TM9SF3: variants seen among roughly 807,000 people sequenced by gnomAD.
The protein encoded by TM9SF3 is SM-11044-binding protein.
A neutral mutation model predicts 78.6 loss-of-function variants in TM9SF3; 14 were observed. The ratio of observed to expected loss-of-function variants is 0.18; its 90% CI spans 0.12 to 0.28. The LOEUF (loss-of-function observed/expected upper bound fraction) is 0.28. TM9SF3 is among the 10% of genes least tolerant of loss of function. The pLI is 1.00. For synonymous variants in TM9SF3, 231 were observed against 241.7 expected (o/e 0.96, Z 0.41); for missense variants, 496 against 721.9 (o/e 0.69, Z 3.59).
rs536347824 is a variant in TM9SF3 at position 96,548,233 on chromosome 10, T to C, written c.960-244A>G. Among the ~76,000 whole-genome samples the C allele has an allele frequency of 4.6e-5, 7 of 152,340 alleles. No individual in the cohort carries two copies. The South Asian group carries it at 1.4e-3, about 32-fold the overall frequency. ...TATCCTGCAGTTAAATGTTATGATA[T>C]ATTCTAAGCAAGTATTTCATATTTA... On this transcript the variant is annotated intron_variant, in intron 7 of 14. Coordinates refer to ENST00000371142, the MANE Select transcript of TM9SF3 (RefSeq NM_020123.4).
At position 96,520,024 on chromosome 10, in the gene TM9SF3, T is replaced by A. The variant is rs1847745242; in HGVS notation, c.*2239A>T. On this transcript the variant is annotated 3_prime_UTR_variant, in exon 15 of 15. Coordinates refer to ENST00000371142, the MANE Select transcript of TM9SF3 (RefSeq NM_020123.4). Reference sequence around the variant, plus strand: ...CCACACATTTTCAATAAACCCTACATCTTACCTGCAAGATTCATATCATGA... The same window carrying A: ...CCACACATTTTCAATAAACCCTACAACTTACCTGCAAGATTCATATCATGA... The A allele has an allele frequency of 6.6e-6, 1 of 151,936 alleles. No homozygotes were observed. The highest frequency in any genetic ancestry group is 1.5e-5 in the Non-Finnish European group (1 of 67,830). 9.4% of individuals were successfully genotyped at this position (151,936 alleles called of 1,614,324 possible). A position where few individuals can be genotyped will look rare whatever the true frequency, so the allele number is the denominator to read the frequency against.
chr10:96,569,299 C>T (rs181795643), intron 2 of TM9SF3, among the ~76,000 whole-genome samples: 3 of 152,328 alleles, frequency 2.0e-5, no homozygotes, highest in Admixed American at 1.3e-4. Context: ...TGAAAATGCA[C>T]ATTCACATAA....
At chr10:96,534,969 C>T (rs767836777) in intron 9 of TM9SF3, among the ~76,000 whole-genome samples, 3 of 152,156 alleles carry the variant, frequency 2.0e-5, no homozygotes, top group Non-Finnish European at 4.4e-5. Flanking sequence ...CTATCTCCTT[C>T]ACCTCATCCC....
chr10:96,529,452 G>A (rs1380882271), intron 11 of TM9SF3, among the ~76,000 whole-genome samples: 1 of 152,018 alleles, frequency 6.6e-6, no homozygotes, highest in Non-Finnish European at 1.5e-5. Context: ...TATAAAATTC[G>A]ATGTGATTGA....
At chr10:96,548,789 C>A (rs373166997) in intron 7 of TM9SF3, among the ~76,000 whole-genome samples, 6 of 121,468 alleles carry the variant, frequency 4.9e-5, no homozygotes, top group Admixed American at 2.9e-4. Context: ...CAAAGCAAGA[C>A]TCCATCTCAA....
At chr10:96,583,094 G>A (rs1204896180) in intron 1 of TM9SF3, among the ~76,000 whole-genome samples, 8 of 139,698 alleles carry the variant, frequency 5.7e-5, no homozygotes, top group African/African-American at 7.8e-5. Context: ...AAAAAAAAAA[G>A]AAAAAAAAGA....
intron 5 of TM9SF3, 104 bp from the exon 6 acceptor site, chr10:96,553,163 C>A (rs1336434882): frequency 1.6e-6 from 2 of 1,234,004 alleles, no homozygotes; most frequent in Non-Finnish European, 2.1e-6. Flanking sequence ...AAAAAAAAGT[C>A]TTTAATTAAA....
At chr10:96,575,921 AAC>A (rs1157884144) in intron 2 of TM9SF3, among the ~76,000 whole-genome samples, 1 of 152,222 alleles carries the variant, frequency 6.6e-6, no homozygotes. Context: ...GAAAAGTATA[AAC>A]ACACTCAAAG....
intron 1 of TM9SF3, among the ~76,000 whole-genome samples, chr10:96,580,627 C>T (rs1470907499): frequency 6.6e-6 from 1 of 152,116 alleles, no homozygotes; most frequent in Non-Finnish European, 1.5e-5. Flanking sequence ...TCCACTTAGC[C>T]AAACTCTAAT....
intron 2 of TM9SF3, among the ~76,000 whole-genome samples, chr10:96,574,591 A>G (rs1229107714): frequency 6.6e-6 from 1 of 152,222 alleles, no homozygotes; most frequent in Non-Finnish European, 1.5e-5. Context: ...CCCAAAAATT[A>G]TAAATCATTC....
At chr10:96,535,880 C>T (rs747645015) in intron 9 of TM9SF3, among the ~76,000 whole-genome samples, 2 of 152,228 alleles carry the variant, frequency 1.3e-5, no homozygotes, top group Non-Finnish European at 2.9e-5. Flanking sequence ...GACTGGCCTA[C>T]AGGCCAATAT....
rs1848472654 is a variant in TM9SF3 at position 96,574,338 on chromosome 10, G to A, written c.298+2296C>T. On this transcript the variant is annotated intron_variant, in intron 2 of 14. Transcript: ENST00000371142. ...ATACAAAAAAAAGCTCATCATCACC[G>A]GTCACTAGAGAAATGCGAATCAAAA... is the stretch of plus-strand genomic sequence containing the variant. Among the ~76,000 whole-genome samples the A allele has an allele frequency of 3.3e-5, 5 of 152,220 alleles. No homozygotes were observed. The South Asian group carries it at 1.0e-3, about 32-fold the overall frequency.
intron 2 of TM9SF3, among the ~76,000 whole-genome samples, chr10:96,571,420 A>C (rs904457190): frequency 6.6e-6 from 1 of 152,218 alleles, no homozygotes; most frequent in Non-Finnish European, 1.5e-5. Flanking sequence ...GGACAGCAGG[A>C]ATAGCAGAAG....
chr10:96,548,122 C>A, intron 7 of TM9SF3, 133 bp from the exon 8 acceptor site: 1 of 562,978 alleles, frequency 1.8e-6, no homozygotes, highest in South Asian at 2.9e-5. Flanking sequence ...ACCTGGACTA[C>A]AAATAAAACT....
intron 1 of TM9SF3, among the ~76,000 whole-genome samples, 178 bp from the exon 2 acceptor site, chr10:96,577,007 A>T (rs1284499078): frequency 6.6e-6 from 1 of 152,196 alleles, no homozygotes; most frequent in African/African-American, 2.4e-5. Flanking sequence ...AAACTTTGTG[A>T]ATTTTAAAAT....
intron 4 of TM9SF3, chr10:96,560,735 A>C (rs1391862042): frequency 1.7e-6 from 1 of 574,628 alleles, no homozygotes; most frequent in African/African-American, 1.9e-5. Flanking sequence ...AGAAATCTAC[A>C]TGAGATAATC....
chr10:96,539,414 G>C (rs1847997331), intron 9 of TM9SF3, among the ~76,000 whole-genome samples: 1 of 147,644 alleles, frequency 6.8e-6, no homozygotes, highest in Non-Finnish European at 1.5e-5. Context: ...TTTCATGAGT[G>C]AAACAAAAAA....
intron 1 of TM9SF3, among the ~76,000 whole-genome samples, chr10:96,584,573 C>A (rs1848609003): frequency 6.6e-6 from 1 of 152,124 alleles, no homozygotes; most frequent in South Asian, 2.1e-4. Flanking sequence ...TTTGTGGGGC[C>A]AAGGCAGGCA....
chr10:96,575,954 G>T (rs1454670766), intron 2 of TM9SF3, among the ~76,000 whole-genome samples: 1 of 152,168 alleles, frequency 6.6e-6, no homozygotes, highest in Non-Finnish European at 1.5e-5. Context: ...ATGGATACCT[G>T]CATAATAACT....
Sources: gnomAD v4.1 joint callset for allele counts (sites outside exome capture counted in the v4.1 genomes callset) on GRCh38, gnomAD v4.1.1 for gene constraint, MANE v1.5 for transcripts, NCBI Gene and HGNC (gene_info 2026-07-23, HGNC 2026-07-21) for gene names.